Variants in RUNX2 observed in about 807,000 individuals in gnomAD.
The protein encoded by RUNX2 is RUNX family transcription factor 2.
Under a neutral mutation model 51.7 loss-of-function variants are expected in RUNX2, and 10 were observed. The ratio of observed to expected loss-of-function variants is 0.19; its 90% CI spans 0.12 to 0.33. The LOEUF is 0.33. RUNX2 is among the 10% of genes least tolerant of loss of function. RUNX2 has a pLI of 1.00. For synonymous variants in RUNX2, 276 were observed against 273.6 expected, an observed-to-expected ratio of 1.01 and a Z score of -0.09; for missense variants, 562 against 691.3, an observed-to-expected ratio of 0.81 and a Z score of 2.10.
intron 7 of RUNX2, among the ~76,000 whole-genome samples, chr6:45,531,612 G>T (rs1801845395): frequency 6.6e-6 from 1 of 151,974 alleles, no homozygotes; most frequent in South Asian, 2.1e-4. Context: ...AATTAGCCAG[G>T]CGTGGTGGTG....
At chr6:45,346,488 T>A (rs1053295076) in intron 2 of RUNX2, among the ~76,000 whole-genome samples, 6 of 151,974 alleles carry the variant, frequency 3.9e-5, no homozygotes, top group Non-Finnish European at 8.8e-5. Flanking sequence ...ACACAAGAAT[T>A]CCCTCTCTCC....
At chr6:45,405,280 A>G (rs1254412120) in intron 2 of RUNX2, among the ~76,000 whole-genome samples, 1 of 152,236 alleles carries the variant, frequency 6.6e-6, no homozygotes, top group Non-Finnish European at 1.5e-5. Context: ...CCGGCAGCAA[A>G]TATCATCTCT....
intron 1 of RUNX2, 24 bp downstream of exon 1, chr6:45,328,484 T>C: frequency 1.3e-6 from 2 of 1,502,112 alleles, no homozygotes; most frequent in African/African-American, 1.4e-5. Context: ...AACCACAGTC[T>C]ATGCAGTAAT....
chr6:45,418,864 G>A (rs905795769), intron 2 of RUNX2, among the ~76,000 whole-genome samples: 1 of 152,142 alleles, frequency 6.6e-6, no homozygotes, highest in African/African-American at 2.4e-5. Flanking sequence ...TCCAAGACTA[G>A]TAACTTCCAA....
intron 6 of RUNX2, among the ~76,000 whole-genome samples, chr6:45,500,656 A>G (rs1047316960): frequency 2.6e-4 from 40 of 152,324 alleles, no homozygotes; most frequent in African/African-American, 7.9e-4. Flanking sequence ...CGCTGTTGCC[A>G]GGGTGAATGG....
At chr6:45,529,317 A>C (rs551369769) in intron 7 of RUNX2, among the ~76,000 whole-genome samples, 12 of 152,274 alleles carry the variant, frequency 7.9e-5, no homozygotes, top group African/African-American at 2.9e-4. Flanking sequence ...CCTGGAGAGC[A>C]CATTTCCCAG....
intron 7 of RUNX2, among the ~76,000 whole-genome samples, chr6:45,539,364 G>A (rs12198347): frequency 0.074 from 11,299 of 152,180 alleles, 551 homozygotes; most frequent in Admixed American, 0.17. Flanking sequence ...GGATAGTCGA[G>A]GGACTTTCCC....
At chr6:45,507,042 C>A (rs746112724) in intron 6 of RUNX2, among the ~76,000 whole-genome samples, 1 of 151,308 alleles carries the variant, frequency 6.6e-6, no homozygotes, top group Non-Finnish European at 1.5e-5. Context: ...TAGTTCATGG[C>A]TTTGAGGTGA....
chr6:45,412,932 G>T (rs922499384), intron 2 of RUNX2, among the ~76,000 whole-genome samples: 3 of 152,022 alleles, frequency 2.0e-5, no homozygotes, highest in African/African-American at 7.2e-5. Flanking sequence ...TTTATTTTAG[G>T]TAGAGGCGGG....
intron 2 of RUNX2, among the ~76,000 whole-genome samples, chr6:45,417,948 A>G (rs1798099108): frequency 6.6e-6 from 1 of 152,212 alleles, no homozygotes; most frequent in South Asian, 2.1e-4. Context: ...CTCCTGGTCT[A>G]GTGGCAATGC....
intron 2 of RUNX2, among the ~76,000 whole-genome samples, chr6:45,399,115 T>C (rs1797643107): frequency 6.6e-6 from 1 of 152,048 alleles, no homozygotes; most frequent in African/African-American, 2.4e-5. Context: ...TTCACATAAG[T>C]TTCTCTCCTC....
intron 5 of RUNX2, among the ~76,000 whole-genome samples, chr6:45,484,340 A>T (rs1800205845): frequency 6.6e-6 from 1 of 152,148 alleles, no homozygotes; most frequent in African/African-American, 2.4e-5. Flanking sequence ...AAAATAAGGA[A>T]ATCAGAAGAG....
chr6:45,394,688 G>A (rs1797545179), intron 2 of RUNX2, among the ~76,000 whole-genome samples: 1 of 152,190 alleles, frequency 6.6e-6, no homozygotes, highest in South Asian at 2.1e-4. Flanking sequence ...AGGAAGGCCA[G>A]TAGGGGCTGG....
rs1383382738 is a variant in RUNX2, at chr6:45,501,430, ATTC to A, written c.859+9324_859+9326del. Among the ~76,000 whole-genome samples, 5 of 152,092 alleles carry A rather than the reference ATTC, an allele frequency of 3.3e-5. No individual in the cohort carries two copies. The East Asian group carries it at 7.7e-4, about 23-fold the overall frequency. On this transcript the variant is annotated intron_variant, in intron 6 of 8. Coordinates refer to ENST00000647337, the MANE Select transcript of RUNX2 (RefSeq NM_001024630.4). ...CCTGTAGGGTTATTTTGTAGTTCTG[ATTC>A]TTCTTCTGTTGTGTTGGGTTATTCC...
At chr6:45,434,376 T>C (rs1382469165) in intron 4 of RUNX2, among the ~76,000 whole-genome samples, 1 of 152,222 alleles carries the variant, frequency 6.6e-6, no homozygotes, top group Admixed American at 6.5e-5. Context: ...TGTATTTTCT[T>C]TCCCGGCTTT....
chr6:45,433,129 G>T (rs1397604679), intron 4 of RUNX2, among the ~76,000 whole-genome samples: 1 of 152,140 alleles, frequency 6.6e-6, no homozygotes, highest in East Asian at 1.9e-4. Context: ...GGGCCAAGAA[G>T]TTGTACTTTT....
chr6:45,431,301 A>G (rs1316504861), intron 3 of RUNX2, among the ~76,000 whole-genome samples: 1 of 152,202 alleles, frequency 6.6e-6, no homozygotes, highest in Non-Finnish European at 1.5e-5. Context: ...TTCAGTAAAT[A>G]TACTTTATTA....
intron 5 of RUNX2, among the ~76,000 whole-genome samples, chr6:45,474,371 ATATG>A (rs536435770): frequency 2.2e-3 from 242 of 108,106 alleles, no homozygotes; most frequent in African/African-American, 0.01. Context: ...TATGTTTTAT[ATATG>A]TGTGTGTGTG....
At chr6:45,508,453 C>A (rs183602479) in intron 6 of RUNX2, among the ~76,000 whole-genome samples, 1 of 152,110 alleles carries the variant, frequency 6.6e-6, no homozygotes, top group Non-Finnish European at 1.5e-5. Context: ...GTCTTGAGCT[C>A]CCAGCCTCAG....
Sources: gnomAD v4.1 joint callset for allele counts (sites outside exome capture counted in the v4.1 genomes callset) on GRCh38, gnomAD v4.1.1 for gene constraint, MANE v1.5 for transcripts, NCBI Gene and HGNC (gene_info 2026-07-23, HGNC 2026-07-21) for gene names.